PPM1L: variants seen among roughly 807,000 people sequenced by gnomAD.
PPM1L encodes protein phosphatase 1L.
PPM1L carries 13 observed loss-of-function variants against 31.4 expected under a neutral mutation model. The observed-to-expected ratio is 0.41, with a 90% CI of 0.27 to 0.66. The LOEUF (loss-of-function observed/expected upper bound fraction) is 0.66, where lower values mean the gene tolerates loss of function less well. Among genes scored for constraint, PPM1L ranks in the 30% least tolerant of loss-of-function variants. The probability of loss-of-function intolerance (pLI) is 0.29; values close to 1 mark genes in which losing one functional copy is unlikely to be tolerated. For missense variants in PPM1L, 326 were observed against 453.7 expected, an observed-to-expected ratio of 0.72 and a Z score of 2.56; for synonymous variants, 184 against 175.4, an observed-to-expected ratio of 1.05 and a Z score of -0.39.
intron 2 of PPM1L, among the ~76,000 whole-genome samples, chr3:161,019,472 A>G (rs1385963298): frequency 6.6e-6 from 1 of 152,184 alleles, no homozygotes; most frequent in African/African-American, 2.4e-5. Flanking sequence ...TGCTGAAATT[A>G]CAGGCATGAG....
chr3:161,010,762 C>G (rs1415911623), intron 2 of PPM1L, among the ~76,000 whole-genome samples: 1 of 152,194 alleles, frequency 6.6e-6, no homozygotes, highest in East Asian at 1.9e-4. Flanking sequence ...ATTTGCATTT[C>G]TCTGATGGCC....
In PPM1L at chr3:160,845,903, G is replaced by A. The variant is rs187219273; in HGVS notation, c.399+89196G>A. 2.7e-3 allele frequency among the ~76,000 whole-genome samples: 405 copies of A among 152,012 alleles called. 1 individual carries two copies. Among genetic ancestry groups the A allele is most frequent in the Non-Finnish European group, 4.4e-3 (299 of 67,882 alleles). On this transcript the variant is annotated intron_variant, in intron 1 of 3. Transcript: ENST00000498165. ...AGAGAAGGAAATACATTTGAGAAGG[G>A]ATCTTCCACTTTATTTAGACTTTAA...
chr3:160,852,347 A>G (rs1711554207), intron 1 of PPM1L, among the ~76,000 whole-genome samples: 1 of 152,230 alleles, frequency 6.6e-6, no homozygotes, highest in African/African-American at 2.4e-5. Flanking sequence ...TCCAAAAGCA[A>G]TTAAGGAAAA....
chr3:160,889,832 G>T (rs1470509624), intron 1 of PPM1L, among the ~76,000 whole-genome samples: 2 of 152,224 alleles, frequency 1.3e-5, no homozygotes, highest in East Asian at 3.9e-4. Context: ...TCCCTGGGAT[G>T]CAAGGCTGGT....
intron 1 of PPM1L, among the ~76,000 whole-genome samples, chr3:160,776,978 T>C (rs1326367663): frequency 6.6e-6 from 1 of 152,038 alleles, no homozygotes; most frequent in East Asian, 1.9e-4. Context: ...AGATTAATAC[T>C]ATGGAGGGTC....
intron 1 of PPM1L, among the ~76,000 whole-genome samples, chr3:160,863,146 A>G (rs999544629): frequency 6.6e-6 from 1 of 152,212 alleles, no homozygotes; most frequent in Non-Finnish European, 1.5e-5. Context: ...TGTCATATAT[A>G]TGACAAATAT....
chr3:160,832,892 G>A (rs1713565137), intron 1 of PPM1L, among the ~76,000 whole-genome samples: 1 of 152,096 alleles, frequency 6.6e-6, no homozygotes, highest in Admixed American at 6.6e-5. Context: ...GCATGCATTA[G>A]CTCTTTTTCC....
intron 2 of PPM1L, among the ~76,000 whole-genome samples, chr3:160,963,921 G>A (rs1716052268): frequency 6.6e-6 from 1 of 151,950 alleles, no homozygotes; most frequent in South Asian, 2.1e-4. Flanking sequence ...AGAGTTAGAG[G>A]ATCTAAGGTC....
rs145984156 is a variant in PPM1L, at chr3:161,053,530, G to T, written c.575-11873G>T. 5.3e-5 allele frequency among the ~76,000 whole-genome samples: 8 copies of T among 152,314 alleles called. No homozygotes were observed. In the East Asian group the frequency reaches 9.6e-4, roughly 18 times the overall value. ...ACAGCAGTTGAAATGTGAAGTTGAA[G>T]AACATTTTAATTTCAAAATAGTATT... is the stretch of plus-strand genomic sequence containing the variant. On this transcript the variant is annotated intron_variant, in intron 2 of 3. Coordinates refer to ENST00000498165, the MANE Select transcript of PPM1L (RefSeq NM_139245.4).
intron 1 of PPM1L, among the ~76,000 whole-genome samples, chr3:160,862,662 G>GCA (rs6148164): frequency 0.16 from 20,779 of 126,912 alleles, 1,713 homozygotes; most frequent in South Asian, 0.25. Context: ...CTAGGCACAC[G>GCA]CACACACACA....
At chr3:160,894,906 G>T (rs1406461383) in intron 1 of PPM1L, among the ~76,000 whole-genome samples, 3 of 151,906 alleles carry the variant, frequency 2.0e-5, no homozygotes, top group Non-Finnish European at 4.4e-5. Flanking sequence ...ACTTCACTTT[G>T]TATAAACTTA....
At chr3:160,760,722 GT>G (rs1176498755) in intron 1 of PPM1L, among the ~76,000 whole-genome samples, 32 of 143,460 alleles carry the variant, frequency 2.2e-4, no homozygotes, top group South Asian at 2.0e-3. Flanking sequence ...TTTTTTTTTT[GT>G]TTTTTTTTTT....
intron 1 of PPM1L, among the ~76,000 whole-genome samples, chr3:160,817,347 C>T (rs991916610): frequency 2.6e-5 from 4 of 151,962 alleles, no homozygotes; most frequent in Non-Finnish European, 4.4e-5. Flanking sequence ...ACAAAATGGA[C>T]TGGAAGAGAG....
chr3:160,975,132 C>T (rs1716518582), intron 2 of PPM1L, among the ~76,000 whole-genome samples: 1 of 152,262 alleles, frequency 6.6e-6, no homozygotes, highest in Non-Finnish European at 1.5e-5. Flanking sequence ...AATAGGGAAT[C>T]CTTTCCCCAT....
chr3:160,981,486 T>C (rs1463713709), intron 2 of PPM1L, among the ~76,000 whole-genome samples: 4 of 152,150 alleles, frequency 2.6e-5, no homozygotes, highest in Admixed American at 6.5e-5. Flanking sequence ...AAAGCCACAG[T>C]CTTTTATAAT....
intron 1 of PPM1L, among the ~76,000 whole-genome samples, chr3:160,764,058 C>T (rs1715039508): frequency 6.6e-6 from 1 of 152,186 alleles, no homozygotes; most frequent in Non-Finnish European, 1.5e-5. Context: ...TCCTCCAAAT[C>T]TCATTACCCT....
chr3:160,868,102 T>A (rs1431483285), intron 1 of PPM1L, among the ~76,000 whole-genome samples: 4 of 152,204 alleles, frequency 2.6e-5, no homozygotes, highest in Admixed American at 6.5e-5. Context: ...CTTCTAAGAC[T>A]GAAAAATTGT....
At chr3:160,785,673 G>T (rs555954657) in intron 1 of PPM1L, among the ~76,000 whole-genome samples, 45 of 152,246 alleles carry the variant, frequency 3.0e-4, no homozygotes, top group African/African-American at 1.0e-3. Context: ...TTTAAGAGAT[G>T]AACTTAGACA....
intron 2 of PPM1L, among the ~76,000 whole-genome samples, chr3:161,007,401 A>G (rs551652733): frequency 3.9e-5 from 6 of 152,332 alleles, no homozygotes; most frequent in Admixed American, 2.0e-4. Flanking sequence ...CCAAGGGCAA[A>G]GGCCCAGAGG....
Sources: allele counts gnomAD v4.1 joint callset (sites outside exome capture counted in the v4.1 genomes callset), GRCh38; gene constraint gnomAD v4.1.1; transcripts MANE v1.5; gene names NCBI Gene and HGNC (gene_info 2026-07-23, HGNC 2026-07-21).